FBXL17: variants seen among roughly 807,000 people sequenced by gnomAD.
The protein encoded by FBXL17 is F-box/LRR-repeat protein 17.
Under a neutral mutation model 66.2 loss-of-function variants are expected in FBXL17, and 22 were observed. The ratio of observed to expected loss-of-function variants is 0.33; its 90% CI spans 0.24 to 0.47. The LOEUF is 0.47. Among genes scored for constraint, FBXL17 ranks in the 20% least tolerant of loss-of-function variants. The pLI, the probability that FBXL17 is intolerant of heterozygous loss-of-function variation, is 1.00. For missense variants in FBXL17, 878 were observed against 948.2 expected, an observed-to-expected ratio of 0.93 and a Z score of 0.97; for synonymous variants, 474 against 400.5, an observed-to-expected ratio of 1.18 and a Z score of -2.19.
chr5:107,987,802 G>A (rs975296441), intron 7 of FBXL17, among the ~76,000 whole-genome samples: 1 of 152,036 alleles, frequency 6.6e-6, no homozygotes, highest in African/African-American at 2.4e-5. Flanking sequence ...AGGATGGAGT[G>A]AGAAGCTCTG....
chr5:108,365,224 T>C (rs188103219), intron 2 of FBXL17, among the ~76,000 whole-genome samples: 32 of 152,210 alleles, frequency 2.1e-4, no homozygotes, highest in African/African-American at 7.5e-4. Context: ...CCCAAAACTC[T>C]TGGAATTTCC....
chr5:108,328,165 A>G (rs1759945149), intron 4 of FBXL17, among the ~76,000 whole-genome samples: 1 of 152,152 alleles, frequency 6.6e-6, no homozygotes, highest in South Asian at 2.1e-4. Flanking sequence ...AGCATTAGTT[A>G]CTTCCCAAAA....
chr5:108,118,278 CCCTG>C (rs1750342720), intron 6 of FBXL17, among the ~76,000 whole-genome samples: 1 of 152,174 alleles, frequency 6.6e-6, no homozygotes, highest in Admixed American at 6.5e-5. Context: ...TAAGGGACAT[CCCTG>C]CCTGGTGGAC....
intron 4 of FBXL17, among the ~76,000 whole-genome samples, chr5:108,259,456 G>A (rs1417843380): frequency 2.0e-5 from 3 of 152,148 alleles, no homozygotes; most frequent in Non-Finnish European, 4.4e-5. Context: ...AGCCCTGGAA[G>A]TAAAGTTGTT....
chr5:108,351,637 A>G (rs932968818), intron 3 of FBXL17, among the ~76,000 whole-genome samples: 40 of 152,320 alleles, frequency 2.6e-4, no homozygotes, highest in African/African-American at 8.9e-4. Flanking sequence ...CATTGTTTGT[A>G]AGCAACCTTC....
At chr5:107,885,292 A>G (rs1748925861) in intron 7 of FBXL17, among the ~76,000 whole-genome samples, 1 of 152,214 alleles carries the variant, frequency 6.6e-6, no homozygotes, top group African/African-American at 2.4e-5. Flanking sequence ...GTGTTGATGA[A>G]GGGTATACAC....
chr5:108,021,061 A>C (rs1320126548), intron 6 of FBXL17, 60 bp from the exon 7 acceptor site: 1 of 1,218,850 alleles, frequency 8.2e-7, no homozygotes, highest in African/African-American at 1.5e-5. Flanking sequence ...CAGGGGTTTG[A>C]ATATAATAGG....
intron 6 of FBXL17, among the ~76,000 whole-genome samples, chr5:108,182,100 TAA>T (rs1203169461): frequency 1.3e-5 from 2 of 152,116 alleles, no homozygotes; most frequent in African/African-American, 4.8e-5. Flanking sequence ...CTATTATCAT[TAA>T]GTCTTATGTC....
At chr5:108,376,075 T>C (rs1221071500) in intron 1 of FBXL17, among the ~76,000 whole-genome samples, 1 of 152,188 alleles carries the variant, frequency 6.6e-6, no homozygotes, top group African/African-American at 2.4e-5. Context: ...CAAAATCTAA[T>C]ACCCTTTCTT....
At chr5:108,107,991 C>T (rs907592084) in intron 6 of FBXL17, among the ~76,000 whole-genome samples, 3 of 151,936 alleles carry the variant, frequency 2.0e-5, no homozygotes, top group African/African-American at 7.3e-5. Flanking sequence ...TGCTACCTTT[C>T]CTTCCTTCTC....
chr5:108,128,910 C>A (rs1455700533), intron 6 of FBXL17, among the ~76,000 whole-genome samples: 1 of 152,004 alleles, frequency 6.6e-6, no homozygotes, highest in East Asian at 1.9e-4. Context: ...ATAACGAGCC[C>A]AACCAAGCTC....
At chr5:108,058,921 G>C (rs1409116453) in intron 6 of FBXL17, among the ~76,000 whole-genome samples, 1 of 152,128 alleles carries the variant, frequency 6.6e-6, no homozygotes, top group East Asian at 1.9e-4. Flanking sequence ...TGTGGGTTGA[G>C]AAGAGCCCAA....
At chr5:108,197,747 T>C (rs546941068) in intron 5 of FBXL17, among the ~76,000 whole-genome samples, 8 of 152,310 alleles carry the variant, frequency 5.3e-5, no homozygotes, top group Admixed American at 3.9e-4. Context: ...TTATGTCATA[T>C]ATTTTTATTT....
chr5:108,067,470 T>A (rs1748160074), intron 6 of FBXL17, among the ~76,000 whole-genome samples: 1 of 152,066 alleles, frequency 6.6e-6, no homozygotes, highest in Non-Finnish European at 1.5e-5. Flanking sequence ...AACAAAAACT[T>A]AACAGAATAA....
chr5:108,024,333 A>C (rs1393590697), intron 6 of FBXL17, among the ~76,000 whole-genome samples: 1 of 152,196 alleles, frequency 6.6e-6, no homozygotes, highest in Non-Finnish European at 1.5e-5. Context: ...AATTAAGATT[A>C]CTAAACCCTA....
chr5:108,146,589 A>G, intron 6 of FBXL17, among the ~76,000 whole-genome samples: 1 of 152,218 alleles, frequency 6.6e-6, no homozygotes. Flanking sequence ...CTTTTGAGTT[A>G]TAACAAACAG....
intron 5 of FBXL17, among the ~76,000 whole-genome samples, chr5:108,206,344 T>C (rs1301990952): frequency 1.3e-5 from 2 of 152,202 alleles, no homozygotes; most frequent in African/African-American, 2.4e-5. Flanking sequence ...GTTCCAAAGA[T>C]GACCAATGCG....
At chr5:108,289,375 A>C in intron 4 of FBXL17, among the ~76,000 whole-genome samples, 1 of 152,146 alleles carries the variant, frequency 6.6e-6, no homozygotes, top group Non-Finnish European at 1.5e-5. Context: ...TTTGGTGTTA[A>C]AGGAATAGCT....
At chr5:108,098,572 C>T (rs951881862) in intron 6 of FBXL17, among the ~76,000 whole-genome samples, 16 of 151,906 alleles carry the variant, frequency 1.1e-4, no homozygotes, top group African/African-American at 3.9e-4. Flanking sequence ...GGTCAAACCC[C>T]GTCTCTACTA....
Sources: gnomAD v4.1 joint callset for allele counts (sites outside exome capture counted in the v4.1 genomes callset) on GRCh38, gnomAD v4.1.1 for gene constraint, MANE v1.5 for transcripts, NCBI Gene and HGNC (gene_info 2026-07-23, HGNC 2026-07-21) for gene names.